The following ANKS1B variants were observed in gnomAD, a reference collection of about 807,000 sequenced individuals.
The protein encoded by ANKS1B is ankyrin repeat and sterile alpha motif domain-containing protein 1B.
ANKS1B carries 36 observed loss-of-function variants against 148.3 expected under a neutral mutation model. The observed-to-expected ratio is 0.24, with a 90% CI of 0.19 to 0.32. The LOEUF (loss-of-function observed/expected upper bound fraction) is 0.32. Among genes scored for constraint, ANKS1B ranks in the 10% least tolerant of loss-of-function variants. The probability of loss-of-function intolerance (pLI) is 1.00; values close to 1 mark genes in which losing one functional copy is unlikely to be tolerated. For synonymous variants in ANKS1B, 542 were observed against 560.8 expected (o/e 0.97, Z 0.47); for missense variants, 1,157 against 1,542.6 (o/e 0.75, Z 4.19).
intron 17 of ANKS1B, among the ~76,000 whole-genome samples, chr12:98,943,040 C>A (rs1028496282): frequency 6.6e-6 from 1 of 152,206 alleles, no homozygotes; most frequent in Non-Finnish European, 1.5e-5. Context: ...AAATAAGAAT[C>A]TGCCTACGTG....
intron 14 of ANKS1B, among the ~76,000 whole-genome samples, chr12:99,155,472 A>G (rs977799897): frequency 1.3e-5 from 2 of 152,114 alleles, no homozygotes; most frequent in Non-Finnish European, 2.9e-5. Flanking sequence ...TTCCCCTCTG[A>G]TATTTATAAC....
intron 18 of ANKS1B, among the ~76,000 whole-genome samples, chr12:98,830,542 T>C (rs1477173604): frequency 1.3e-5 from 2 of 152,236 alleles, no homozygotes; most frequent in Non-Finnish European, 2.9e-5. Flanking sequence ...GCTCCTTTCC[T>C]GTCCTGCCCT....
chr12:99,272,297 T>G (rs1451079396), intron 12 of ANKS1B, among the ~76,000 whole-genome samples: 2 of 152,142 alleles, frequency 1.3e-5, no homozygotes, highest in Non-Finnish European at 2.9e-5. Flanking sequence ...ATTAAGGCCA[T>G]GTGACTAGAA....
At chr12:99,723,182 T>C (rs919603757) in intron 8 of ANKS1B, among the ~76,000 whole-genome samples, 1 of 152,184 alleles carries the variant, frequency 6.6e-6, no homozygotes, top group African/African-American at 2.4e-5. Context: ...GCCTGTTGTT[T>C]AAGCCATTTG....
intron 9 of ANKS1B, among the ~76,000 whole-genome samples, chr12:99,633,217 A>T (rs534615058): frequency 1.3e-5 from 2 of 152,198 alleles, no homozygotes; most frequent in South Asian, 4.2e-4. Flanking sequence ...CGCAATAAAC[A>T]TACGTGTGCA....
At chr12:99,100,562 C>T (rs1052863808) in intron 15 of ANKS1B, among the ~76,000 whole-genome samples, 2 of 152,182 alleles carry the variant, frequency 1.3e-5, no homozygotes, top group Non-Finnish European at 2.9e-5. Context: ...CAGAGTCTTG[C>T]TATGTCACCC....
At chr12:99,440,068 T>C (rs900449646) in intron 11 of ANKS1B, among the ~76,000 whole-genome samples, 1 of 151,762 alleles carries the variant, frequency 6.6e-6, no homozygotes, top group Non-Finnish European at 1.5e-5. Context: ...GGATTCCATT[T>C]ATATAAAGTC....
chr12:99,423,479 A>C (rs1940859139), intron 11 of ANKS1B, among the ~76,000 whole-genome samples: 1 of 152,188 alleles, frequency 6.6e-6, no homozygotes, highest in Non-Finnish European at 1.5e-5. Context: ...CAATCGCATT[A>C]CTGGGTATGT....
intron 8 of ANKS1B, among the ~76,000 whole-genome samples, chr12:99,680,860 C>A (rs1050611779): frequency 6.6e-6 from 1 of 151,984 alleles, no homozygotes; most frequent in Non-Finnish European, 1.5e-5. Flanking sequence ...CTGAGTGAGG[C>A]CCGTCACTGC....
intron 12 of ANKS1B, among the ~76,000 whole-genome samples, chr12:99,312,061 A>G (rs2083258081): frequency 1.3e-5 from 2 of 152,202 alleles, no homozygotes; most frequent in Admixed American, 6.6e-5. Context: ...TCACAATAGC[A>G]TCGAAATAAA....
At chr12:99,661,295 T>C (rs2098476344) in intron 8 of ANKS1B, among the ~76,000 whole-genome samples, 1 of 152,078 alleles carries the variant, frequency 6.6e-6, no homozygotes, top group Admixed American at 6.5e-5. Context: ...AGACCTTAGG[T>C]ATAGATGAGA....
At chr12:99,652,728 C>G (rs1178046834) in intron 9 of ANKS1B, among the ~76,000 whole-genome samples, 3 of 152,052 alleles carry the variant, frequency 2.0e-5, no homozygotes, top group African/African-American at 7.2e-5. Context: ...AATACCAACA[C>G]TGAGTCATGT....
intron 9 of ANKS1B, among the ~76,000 whole-genome samples, chr12:99,527,528 C>A (rs78167210): frequency 6.6e-6 from 1 of 152,102 alleles, no homozygotes; most frequent in Admixed American, 6.6e-5. Context: ...CTTACTAAAT[C>A]GGAATCTCTG....
At chr12:99,030,310 T>C (rs549408881) in intron 17 of ANKS1B, among the ~76,000 whole-genome samples, 8 of 152,270 alleles carry the variant, frequency 5.3e-5, no homozygotes, top group African/African-American at 1.9e-4. Context: ...ATGGTGATGG[T>C]GGGGGCGACT....
intron 14 of ANKS1B, among the ~76,000 whole-genome samples, chr12:99,202,916 A>G (rs1028714432): frequency 6.6e-6 from 1 of 152,032 alleles, no homozygotes; most frequent in African/African-American, 2.4e-5. Flanking sequence ...AGTGTCCTAC[A>G]TCCTCTCCAC....
chr12:99,480,312 A>T (rs1042335494), intron 10 of ANKS1B, among the ~76,000 whole-genome samples: 1 of 151,898 alleles, frequency 6.6e-6, no homozygotes, highest in African/African-American at 2.4e-5. Flanking sequence ...AAGAAAATGT[A>T]GGCACATTGC....
At chr12:99,465,185 C>T (rs1012243334) in intron 10 of ANKS1B, among the ~76,000 whole-genome samples, 2 of 152,114 alleles carry the variant, frequency 1.3e-5, no homozygotes, top group Non-Finnish European at 2.9e-5. Context: ...TCATATCCAG[C>T]CAAACTAAGC....
intron 1 of ANKS1B, among the ~76,000 whole-genome samples, chr12:99,850,286 T>TCCCTCTCTCTCC (rs752948280): frequency 7.1e-6 from 1 of 140,592 alleles, no homozygotes; most frequent in Non-Finnish European, 1.5e-5. Flanking sequence ...AGAAAGTCTC[T>TCCCTCTCTCTCC]CTCTCTCTCT....
intron 17 of ANKS1B, among the ~76,000 whole-genome samples, chr12:98,865,143 A>G (rs1039246208): frequency 2.0e-5 from 3 of 152,056 alleles, no homozygotes; most frequent in Non-Finnish European, 4.4e-5. Flanking sequence ...ACACCTTTTC[A>G]TGGTCCTTAG....
Sources: allele counts gnomAD v4.1 joint callset (sites outside exome capture counted in the v4.1 genomes callset), GRCh38; gene constraint gnomAD v4.1.1; transcripts MANE v1.5; gene names NCBI Gene and HGNC (gene_info 2026-07-23, HGNC 2026-07-21).